ZBTB7C: variants seen among roughly 807,000 people sequenced by gnomAD.
ZBTB7C encodes the protein zinc finger and BTB domain-containing protein 7C.
In ZBTB7C, 8 loss-of-function variants were observed where a neutral mutation model predicts 25.7. The observed-to-expected ratio is 0.31, with a 90% CI of 0.18 to 0.56. The LOEUF (loss-of-function observed/expected upper bound fraction) is 0.56, where lower values mean the gene tolerates loss of function less well. Among genes scored for constraint, ZBTB7C ranks in the 20% least tolerant of loss-of-function variants. The pLI is 0.91. For missense variants in ZBTB7C, 824 were observed against 855.2 expected (o/e 0.96, Z 0.46); for synonymous variants, 394 against 369.0 (o/e 1.07, Z -0.78).
intron 2 of ZBTB7C, among the ~76,000 whole-genome samples, chr18:48,213,101 C>T (rs1432140972): frequency 6.6e-6 from 1 of 151,660 alleles, no homozygotes; most frequent in African/African-American, 2.4e-5. Context: ...GGCAGTTCTC[C>T]CTGGAGCTCT....
At chr18:48,340,954 GC>G (rs934732612) in intron 1 of ZBTB7C, among the ~76,000 whole-genome samples, 2 of 152,172 alleles carry the variant, frequency 1.3e-5, no homozygotes, top group Non-Finnish European at 2.9e-5. Flanking sequence ...CATTGCGGCA[GC>G]CCCCCTCCTC....
intron 3 of ZBTB7C, among the ~76,000 whole-genome samples, chr18:48,077,302 C>T (rs932112491): frequency 7.9e-5 from 12 of 152,070 alleles, no homozygotes; most frequent in African/African-American, 2.2e-4. Flanking sequence ...TCTCCAGACA[C>T]ACACACACAA....
intron 2 of ZBTB7C, among the ~76,000 whole-genome samples, chr18:48,280,478 C>G (rs1231130013): frequency 6.6e-6 from 1 of 152,136 alleles, no homozygotes; most frequent in East Asian, 1.9e-4. Context: ...ACATCCTGGC[C>G]TGGCTTCTCA....
chr18:48,334,975 G>A (rs945678777), intron 2 of ZBTB7C, among the ~76,000 whole-genome samples: 2 of 152,190 alleles, frequency 1.3e-5, no homozygotes, highest in African/African-American at 4.8e-5. Flanking sequence ...AGAGATGGTG[G>A]CCTGGGCACT....
intron 1 of ZBTB7C, among the ~76,000 whole-genome samples, chr18:48,345,215 T>C (rs915037602): frequency 6.6e-6 from 1 of 152,204 alleles, no homozygotes; most frequent in African/African-American, 2.4e-5. Context: ...AGTCTGTGGA[T>C]AGCTGTTCAG....
chr18:48,276,095 T>C (rs9954232), intron 2 of ZBTB7C, among the ~76,000 whole-genome samples: 38 of 152,180 alleles, frequency 2.5e-4, no homozygotes, highest in African/African-American at 8.7e-4. Context: ...TAAAAGATCA[T>C]TGAGACAGTA....
intron 2 of ZBTB7C, among the ~76,000 whole-genome samples, chr18:48,290,612 C>T (rs1034328096): frequency 3.3e-5 from 5 of 152,210 alleles, no homozygotes; most frequent in Non-Finnish European, 7.3e-5. Context: ...GTGCTTCCTT[C>T]CCTGGGCAGA....
intron 2 of ZBTB7C, among the ~76,000 whole-genome samples, chr18:48,317,138 T>C (rs1390793758): frequency 2.0e-5 from 3 of 150,984 alleles, no homozygotes; most frequent in Non-Finnish European, 4.4e-5. Context: ...CCAGGTGTGA[T>C]GGTGGGCGCC....
chr18:48,186,103 C>T (rs1347279598), intron 2 of ZBTB7C, 108 bp from the exon 3 acceptor site: 1 of 152,558 alleles, frequency 6.6e-6, no homozygotes, highest in Non-Finnish European at 1.5e-5. Context: ...TGTTCTCACT[C>T]CCAGCAGCAC....
intron 3 of ZBTB7C, among the ~76,000 whole-genome samples, chr18:48,060,889 A>G (rs535183749): frequency 5.1e-4 from 77 of 152,012 alleles, no homozygotes; most frequent in African/African-American, 1.4e-3. Flanking sequence ...GTGTCGGGGG[A>G]TCAGGTACAC....
chr18:48,098,578 G>T (rs2038720577), intron 3 of ZBTB7C, among the ~76,000 whole-genome samples: 1 of 152,106 alleles, frequency 6.6e-6, no homozygotes, highest in South Asian at 2.1e-4. Context: ...TGGCTTCCTC[G>T]AATCCATTCT....
chr18:48,353,984 A>G (rs936061841), intron 1 of ZBTB7C, among the ~76,000 whole-genome samples: 1 of 152,126 alleles, frequency 6.6e-6, no homozygotes, highest in African/African-American at 2.4e-5. Flanking sequence ...AGGTTGCCAT[A>G]TTTTCCTTAC....
At chr18:48,351,153 C>T (rs904575110) in intron 1 of ZBTB7C, among the ~76,000 whole-genome samples, 4 of 152,058 alleles carry the variant, frequency 2.6e-5, no homozygotes, top group African/African-American at 9.7e-5. Flanking sequence ...CACACACTCC[C>T]CACCCCAAGC....
intron 4 of ZBTB7C, among the ~76,000 whole-genome samples, chr18:48,037,698 G>A: frequency 6.6e-6 from 1 of 152,200 alleles, no homozygotes; most frequent in Non-Finnish European, 1.5e-5. Flanking sequence ...GATCCTTTTG[G>A]AATTGGAGTC....
intron 1 of ZBTB7C, among the ~76,000 whole-genome samples, chr18:48,362,982 G>A (rs1416650214): frequency 2.0e-5 from 3 of 152,218 alleles, no homozygotes; most frequent in Admixed American, 6.5e-5. Flanking sequence ...TAAACTGGAC[G>A]AAGCTAATCT....
At chr18:48,230,918 C>T (rs2043234022) in intron 2 of ZBTB7C, among the ~76,000 whole-genome samples, 1 of 152,204 alleles carries the variant, frequency 6.6e-6, no homozygotes, top group South Asian at 2.1e-4. Context: ...AAGTTGTGGC[C>T]AAGCCTGGGA....
Position 48,327,991 on chromosome 18 carries a change from G to A in ZBTB7C, c.-79+10183C>T, listed in dbSNP as rs553119881. ...TGGGAGGCCGAGGCGGGCGGATCACGAGGTCAGGAGATCGAGACCATCCTG... is the reference window on the plus strand; with the variant it reads ...TGGGAGGCCGAGGCGGGCGGATCACAAGGTCAGGAGATCGAGACCATCCTG... On this transcript the variant is annotated intron_variant, in intron 2 of 4. Coordinates refer to ENST00000590800, the MANE Select transcript of ZBTB7C (RefSeq NM_001318841.2). Among the ~76,000 whole-genome samples the A allele has an allele frequency of 5.9e-5, 9 of 151,958 alleles. No individual in the cohort carries two copies. The South Asian group carries it at 1.5e-3, about 25-fold the overall frequency.
At chr18:48,174,607 T>C (rs2041608035) in intron 3 of ZBTB7C, among the ~76,000 whole-genome samples, 1 of 152,230 alleles carries the variant, frequency 6.6e-6, no homozygotes, top group Non-Finnish European at 1.5e-5. Flanking sequence ...CATTATGTAA[T>C]TGCAGAATAT....
intron 3 of ZBTB7C, among the ~76,000 whole-genome samples, chr18:48,166,782 G>A (rs2041261955): frequency 6.6e-6 from 1 of 152,208 alleles, no homozygotes; most frequent in African/African-American, 2.4e-5. Flanking sequence ...GGCACATTTG[G>A]TGATGGTTTT....
Sources: allele counts gnomAD v4.1 joint callset (sites outside exome capture counted in the v4.1 genomes callset), GRCh38; gene constraint gnomAD v4.1.1; transcripts MANE v1.5; gene names NCBI Gene and HGNC (gene_info 2026-07-23, HGNC 2026-07-21).